HUNK: variants seen among roughly 807,000 people sequenced by gnomAD.
HUNK encodes hormonally up-regulated neu tumor-associated kinase.
HUNK carries 21 observed loss-of-function variants against 61.0 expected under a neutral mutation model. The ratio of observed to expected loss-of-function variants is 0.34; its 90% CI spans 0.24 to 0.50. The LOEUF (loss-of-function observed/expected upper bound fraction) is 0.50, where lower values mean the gene tolerates loss of function less well. Among genes scored for constraint, HUNK ranks in the 20% least tolerant of loss-of-function variants. The probability of loss-of-function intolerance (pLI) is 0.98; values close to 1 mark genes in which losing one functional copy is unlikely to be tolerated. For missense variants in HUNK, 772 were observed against 945.7 expected, an observed-to-expected ratio of 0.82 and a Z score of 2.41; for synonymous variants, 371 against 386.1, an observed-to-expected ratio of 0.96 and a Z score of 0.46.
chr21:31,942,900 T>G (rs73350776), intron 3 of HUNK, among the ~76,000 whole-genome samples: 12,376 of 152,168 alleles, frequency 0.081, 626 homozygotes, highest in South Asian at 0.18. Context: ...ACCTGAGGGC[T>G]GGTAGGAACT....
At position 32,001,887 on chromosome 21, in the gene HUNK, A is replaced by G. The variant is rs1283369990; in HGVS notation, c.*2703A>G. On this transcript the variant is annotated 3_prime_UTR_variant, in exon 11 of 11. Transcript: ENST00000270112. ...ACTGGACTGTCATTGTGTGAAGTCT[A>G]GGAGGAAATGTCCATTTTAATTGTA... 1 of 152,598 alleles carries G rather than the reference A, an allele frequency of 6.6e-6. No individual in the cohort carries two copies. The highest frequency in any genetic ancestry group is 2.4e-5 in the African/African-American group (1 of 41,448). 9.5% of individuals were successfully genotyped at this position (152,598 alleles called of 1,614,324 possible).
intron 4 of HUNK, among the ~76,000 whole-genome samples, chr21:31,951,823 G>C (rs2052851861): frequency 6.6e-6 from 1 of 152,160 alleles, no homozygotes; most frequent in African/African-American, 2.4e-5. Context: ...AGTACTACCA[G>C]ATATCATCAG....
chr21:31,970,116 A>G (rs957903727), intron 6 of HUNK, among the ~76,000 whole-genome samples: 3 of 152,152 alleles, frequency 2.0e-5, no homozygotes, highest in Admixed American at 2.0e-4. Flanking sequence ...GGGCAGAGAA[A>G]GGGGTGTCCT....
intron 7 of HUNK, among the ~76,000 whole-genome samples, chr21:31,977,310 T>G (rs1375453966): frequency 6.6e-6 from 1 of 152,204 alleles, no homozygotes; most frequent in African/African-American, 2.4e-5. Context: ...ATTTAAATAG[T>G]CTTCAGATAA....
chr21:31,976,166 C>T (rs2053047603), intron 7 of HUNK, among the ~76,000 whole-genome samples: 1 of 152,078 alleles, frequency 6.6e-6, no homozygotes, highest in Non-Finnish European at 1.5e-5. Context: ...GATGGGGTGG[C>T]ACCTCTCTGA....
intron 5 of HUNK, 27 bp downstream of exon 5, chr21:31,958,997 G>A (rs369605181): frequency 4.1e-5 from 64 of 1,564,108 alleles, no homozygotes; most frequent in Middle Eastern, 1.7e-4. Flanking sequence ...TCTAGATCAC[G>A]GTTCAGGACT....
At chr21:31,945,333 C>G (rs1019120638) in intron 3 of HUNK, among the ~76,000 whole-genome samples, 5 of 152,156 alleles carry the variant, frequency 3.3e-5, no homozygotes, top group East Asian at 3.9e-4. Context: ...CTTTCTCCCC[C>G]CTCTTCCTGG....
At chr21:31,898,613 T>C (rs1420180282) in intron 1 of HUNK, among the ~76,000 whole-genome samples, 1 of 152,130 alleles carries the variant, frequency 6.6e-6, no homozygotes, top group Non-Finnish European at 1.5e-5. Flanking sequence ...ATGTGCCTTT[T>C]TCAGCTCACT....
chr21:31,882,812 C>A (rs1334591894), intron 1 of HUNK, among the ~76,000 whole-genome samples: 1 of 152,198 alleles, frequency 6.6e-6, no homozygotes. Flanking sequence ...ATCCCTCCCA[C>A]CCACCAGGGC....
intron 1 of HUNK, among the ~76,000 whole-genome samples, chr21:31,875,560 C>CTCGAT (rs766406419): frequency 2.4e-4 from 36 of 152,174 alleles, no homozygotes; most frequent in East Asian, 3.9e-4. Context: ...ACTTACACTC[C>CTCGAT]TCGATTCGAT....
chr21:31,896,846 T>A (rs2052428130), intron 1 of HUNK, among the ~76,000 whole-genome samples: 1 of 152,262 alleles, frequency 6.6e-6, no homozygotes, highest in Non-Finnish European at 1.5e-5. Context: ...AAATGTTCAC[T>A]CTTTAGGAAC....
intron 1 of HUNK, among the ~76,000 whole-genome samples, chr21:31,912,301 G>GAA: frequency 6.6e-6 from 1 of 152,142 alleles, no homozygotes; most frequent in Non-Finnish European, 1.5e-5. Flanking sequence ...AGGGGGTTCT[G>GAA]AAAGTGTTCT....
rs200654005 is a variant in HUNK at position 31,998,746 on chromosome 21, C to T, written c.1707C>T (p.Asp569=). 1 of 1,614,156 alleles carries T rather than the reference C, an allele frequency of 6.2e-7. No homozygotes were observed. Among genetic ancestry groups the T allele is most frequent in the East Asian group, 2.2e-5 (1 of 44,856 alleles). The change falls in exon 11 of 11, where the codon GAC becomes GAT. Residue 569 remains aspartate, a synonymous_variant. Transcript: ENST00000270112. ...CCTTCGAGTCTGTGGATCGCGACGA[C>T]CACGTAGAAGTGCTGTCTCCCTCTC... ...VRSFESVDRD[D]HVEVLSPSHH...
chr21:31,967,329 C>G (rs929034677), intron 5 of HUNK, among the ~76,000 whole-genome samples: 2 of 151,758 alleles, frequency 1.3e-5, no homozygotes, highest in Non-Finnish European at 2.9e-5. Context: ...CCAGCCTGGG[C>G]GACAGTGTGA....
At position 32,003,568 on chromosome 21, in the gene HUNK, CAG is replaced by C. The variant is rs2053259820; in HGVS notation, c.*4387_*4388del. On this transcript the variant is annotated 3_prime_UTR_variant, in exon 11 of 11. Transcript: ENST00000270112. The stretch of plus-strand genomic sequence containing the variant: ...AGCTACAGGCACAGTAAGAATAATT[CAG>C]AGCGGTACTGGGAGTTGGTTCAATT... 6.6e-6 allele frequency: 1 copy of C among 152,136 alleles called. No individual in the cohort carries two copies. Among genetic ancestry groups the C allele is most frequent in the South Asian group, 2.1e-4 (1 of 4,818 alleles). 9.4% of individuals were successfully genotyped at this position (152,136 alleles called of 1,614,324 possible).
chr21:31,961,592 G>A (rs2052929244), intron 5 of HUNK, among the ~76,000 whole-genome samples: 1 of 152,104 alleles, frequency 6.6e-6, no homozygotes, highest in African/African-American at 2.4e-5. Context: ...GTTCTGATAG[G>A]GGTCTAATAA....
intron 1 of HUNK, among the ~76,000 whole-genome samples, chr21:31,876,540 G>A (rs1445579262): frequency 1.3e-5 from 2 of 152,148 alleles, no homozygotes; most frequent in Admixed American, 1.3e-4. Context: ...CTCTAGTTTT[G>A]GGTATTGCCT....
At chr21:31,946,199 T>G (rs760942096) in intron 4 of HUNK, 28 bp downstream of exon 4, 3 of 1,600,260 alleles carry the variant, frequency 1.9e-6, no homozygotes, top group Non-Finnish European at 2.6e-6. Flanking sequence ...TGAAAGTCAG[T>G]GTTCCTCCTG....
intron 5 of HUNK, among the ~76,000 whole-genome samples, chr21:31,967,870 T>C (rs1344509246): frequency 6.6e-6 from 1 of 152,308 alleles, no homozygotes; most frequent in East Asian, 1.9e-4. Flanking sequence ...TTGGCTCACC[T>C]ATGAGCAACA....
Sources: allele counts gnomAD v4.1 joint callset (sites outside exome capture counted in the v4.1 genomes callset), GRCh38; gene constraint gnomAD v4.1.1; transcripts MANE v1.5; gene names NCBI Gene and HGNC (gene_info 2026-07-23, HGNC 2026-07-21).